Variants in TMCC1 observed in about 807,000 individuals in gnomAD.
TMCC1 encodes transmembrane and coiled-coil domains protein 1.
TMCC1 carries 15 observed loss-of-function variants against 52.4 expected under a neutral mutation model. That is an observed-to-expected ratio of 0.29 (90% confidence interval 0.19 to 0.44). The LOEUF (loss-of-function observed/expected upper bound fraction) is 0.44. Ranked by LOEUF, TMCC1 falls within the 20% of genes least tolerant of loss-of-function variation. TMCC1 has a pLI of 1.00. For synonymous variants in TMCC1, 279 were observed against 301.9 expected, an observed-to-expected ratio of 0.92 and a Z score of 0.79; for missense variants, 503 against 806.0, an observed-to-expected ratio of 0.62 and a Z score of 4.55.
chr3:129,670,884 C>T lies in TMCC1; in HGVS notation c.957G>A (p.Lys319=), dbSNP rs908992924. 9 of 1,614,148 alleles carry T rather than the reference C, an allele frequency of 5.6e-6. No homozygotes were observed. In the South Asian group the frequency reaches 6.6e-5, roughly 12 times the overall value. The change falls in exon 5 of 7, where the codon AAG becomes AAA. Residue 319 remains lysine, a synonymous_variant. Transcript: ENST00000393238. ...CCTGGTGCATGTCCCTGAAGACATC[C>T]TTTGGCTGCCGGGGGATCCCATTCT... ...VEQNGIPRQP[K]DVFRDMHQGL...
At chr3:129,812,833 G>T (rs1165851730) in intron 4 of TMCC1, among the ~76,000 whole-genome samples, 2 of 152,050 alleles carry the variant, frequency 1.3e-5, no homozygotes, top group Non-Finnish European at 2.9e-5. Context: ...GGGACCCAAT[G>T]AAACTAAAGA....
At chr3:129,657,593 A>T (rs998854835) in intron 5 of TMCC1, among the ~76,000 whole-genome samples, 1 of 152,198 alleles carries the variant, frequency 6.6e-6, no homozygotes, top group Admixed American at 6.5e-5. Context: ...AACTCTCCTC[A>T]TAAGTAAGAA....
At chr3:129,883,130 A>AACAC (rs59492665) in intron 1 of TMCC1, among the ~76,000 whole-genome samples, 1,890 of 146,770 alleles carry the variant, frequency 0.013, 19 homozygotes, top group African/African-American at 0.032. Flanking sequence ...CTCTACTAAA[A>AACAC]ACACACACAC....
At chr3:129,874,091 G>T (rs1388375826) in intron 2 of TMCC1, among the ~76,000 whole-genome samples, 2 of 152,176 alleles carry the variant, frequency 1.3e-5, no homozygotes, top group Non-Finnish European at 2.9e-5. Flanking sequence ...AAAAATGGTT[G>T]TTACTAAGGA....
At chr3:129,688,209 G>C (rs964678200) in intron 4 of TMCC1, 6 of 985,140 alleles carry the variant, frequency 6.1e-6, no homozygotes, top group Non-Finnish European at 2.4e-6. Context: ...TGCTGATTTT[G>C]CTTGCCACAA....
At chr3:129,875,986 C>T (rs1006678940) in intron 2 of TMCC1, among the ~76,000 whole-genome samples, 15 of 152,072 alleles carry the variant, frequency 9.9e-5, no homozygotes, top group African/African-American at 3.6e-4. Context: ...ATACAAAAAA[C>T]TAGCTGGGTG....
intron 2 of TMCC1, among the ~76,000 whole-genome samples, chr3:129,869,431 G>A (rs777437977): frequency 3.3e-5 from 5 of 152,128 alleles, no homozygotes; most frequent in Non-Finnish European, 7.3e-5. Context: ...CGAACCTGAG[G>A]AAGGGGTCAC....
intron 2 of TMCC1, among the ~76,000 whole-genome samples, chr3:129,878,311 A>G (rs1388910648): frequency 6.6e-6 from 1 of 152,110 alleles, no homozygotes; most frequent in African/African-American, 2.4e-5. Context: ...TCTAAAACTG[A>G]GCTTCTGTTA....
intron 4 of TMCC1, among the ~76,000 whole-genome samples, chr3:129,675,927 C>T (rs1054022949): frequency 1.3e-5 from 2 of 151,126 alleles, no homozygotes; most frequent in Admixed American, 6.6e-5. Flanking sequence ...GTCCCAGCTA[C>T]TCAGGAGGCT....
chr3:129,763,850 A>T (rs1393665092), intron 4 of TMCC1, among the ~76,000 whole-genome samples: 2 of 151,906 alleles, frequency 1.3e-5, no homozygotes, highest in Non-Finnish European at 2.9e-5. Context: ...ATAAATAAAC[A>T]AAACAAAATA....
chr3:129,731,068 A>C (rs1325493282), intron 4 of TMCC1, among the ~76,000 whole-genome samples: 1 of 152,208 alleles, frequency 6.6e-6, no homozygotes, highest in East Asian at 1.9e-4. Context: ...AAGACAGCAG[A>C]CCAATAGCCC....
intron 4 of TMCC1, among the ~76,000 whole-genome samples, chr3:129,723,906 G>T (rs1165166340): frequency 6.3e-5 from 8 of 126,652 alleles, no homozygotes. Flanking sequence ...TAGGATTCAG[G>T]ATGAGATTTT....
At chr3:129,771,098 C>T (rs1038778489) in intron 4 of TMCC1, among the ~76,000 whole-genome samples, 23 of 152,034 alleles carry the variant, frequency 1.5e-4, no homozygotes, top group Non-Finnish European at 2.9e-4. Flanking sequence ...TCTAATGGTC[C>T]CCAGCTAGAA....
intron 4 of TMCC1, among the ~76,000 whole-genome samples, chr3:129,808,519 G>T (rs929149875): frequency 6.6e-6 from 1 of 151,086 alleles, no homozygotes; most frequent in Non-Finnish European, 1.5e-5. Flanking sequence ...TTAAAAAAAA[G>T]AAAATAATGA....
intron 4 of TMCC1, among the ~76,000 whole-genome samples, chr3:129,811,315 A>C (rs2057795244): frequency 6.6e-6 from 1 of 151,976 alleles, no homozygotes; most frequent in African/African-American, 2.4e-5. Flanking sequence ...CCCAGACTGG[A>C]CTGCAGTGGC....
intron 4 of TMCC1, among the ~76,000 whole-genome samples, chr3:129,769,660 C>T (rs1216614535): frequency 1.3e-5 from 2 of 150,682 alleles, no homozygotes; most frequent in African/African-American, 4.9e-5. Context: ...AAAGATTGGA[C>T]ACCCCTAATC....
At chr3:129,762,201 C>T (rs1041318938) in intron 4 of TMCC1, among the ~76,000 whole-genome samples, 1 of 151,928 alleles carries the variant, frequency 6.6e-6, no homozygotes, top group African/African-American at 2.4e-5. Flanking sequence ...CTACACTCAG[C>T]TAGTTTGTTA....
chr3:129,826,730 A>G (rs1480543725), intron 4 of TMCC1, among the ~76,000 whole-genome samples: 1 of 152,164 alleles, frequency 6.6e-6, no homozygotes. Flanking sequence ...AACCTTAGGA[A>G]AAGTTTAAGG....
chr3:129,728,074 AAGC>A (rs2050246221), intron 4 of TMCC1, among the ~76,000 whole-genome samples: 2 of 152,168 alleles, frequency 1.3e-5, no homozygotes, highest in South Asian at 4.1e-4. Flanking sequence ...CTTTGACCTA[AAGC>A]AGAAGGGCTC....
Sources: allele counts gnomAD v4.1 joint callset (sites outside exome capture counted in the v4.1 genomes callset), GRCh38; gene constraint gnomAD v4.1.1; transcripts MANE v1.5; gene names NCBI Gene and HGNC (gene_info 2026-07-23, HGNC 2026-07-21).